The following ATP6V1C1 variants were observed in gnomAD, a reference collection of about 807,000 sequenced individuals.
ATP6V1C1 encodes the protein ATPase H+ transporting V1 subunit C1.
ATP6V1C1 carries 45 observed loss-of-function variants against 53.9 expected under a neutral mutation model. The observed-to-expected ratio is 0.83, with a 90% CI of 0.66 to 1.07. ATP6V1C1 has a LOEUF of 1.07. Ranked by LOEUF, ATP6V1C1 falls within the 50% of genes least tolerant of loss-of-function variation. The pLI is 0.00. For synonymous variants in ATP6V1C1, 153 were observed against 155.2 expected (o/e 0.99, Z 0.11); for missense variants, 315 against 440.3 (o/e 0.72, Z 2.55).
intron 8 of ATP6V1C1, among the ~76,000 whole-genome samples, chr8:103,056,661 C>T (rs543242902): frequency 6.6e-6 from 1 of 152,274 alleles, no homozygotes; most frequent in South Asian, 2.1e-4. Context: ...GTCCTGTACC[C>T]TTTTAACACT....
rs1289160704 is a variant in ATP6V1C1 at position 103,072,402 on chromosome 8, A to G, written c.*3655A>G. 2.0e-5 allele frequency: 3 copies of G among 152,244 alleles called. No homozygotes were observed. Among genetic ancestry groups the G allele is most frequent in the Non-Finnish European group, 4.4e-5 (3 of 68,042 alleles). The allele number at this position is 152,244 out of a possible 1,614,324, so 9.4% of individuals were successfully genotyped here. A position where few individuals can be genotyped will look rare whatever the true frequency, so the allele number is the denominator to read the frequency against. On this transcript the variant is annotated 3_prime_UTR_variant, in exon 13 of 13. Coordinates refer to ENST00000518738, the MANE Select transcript of ATP6V1C1 (RefSeq NM_001695.5). ...TAAAAACCACATATACAAATACTAT[A>G]GAACAGCTTATAATGAAAACCTTGC...
At chr8:103,038,388 C>A (rs1816936531) in intron 1 of ATP6V1C1, among the ~76,000 whole-genome samples, 1 of 152,168 alleles carries the variant, frequency 6.6e-6, no homozygotes, top group South Asian at 2.1e-4. Context: ...AACCAAGTCA[C>A]AAGGCCAGCT....
chr8:103,056,982 CCGTCACTGGTAGGGTT>C (rs573161744), intron 8 of ATP6V1C1, among the ~76,000 whole-genome samples: 285 of 152,198 alleles, frequency 1.9e-3, no homozygotes, highest in African/African-American at 6.6e-3. Context: ...CTGGTAGGGT[CCGTCACTGGTAGGGTT>C]GTGACTTCGA....
intron 1 of ATP6V1C1, among the ~76,000 whole-genome samples, chr8:103,038,597 T>A (rs1210373143): frequency 1.3e-5 from 2 of 152,196 alleles, no homozygotes; most frequent in African/African-American, 4.8e-5. Context: ...GTAAAAACAA[T>A]TTAAGTCATT....
chr8:103,047,037 A>G (rs1313509097), intron 3 of ATP6V1C1, among the ~76,000 whole-genome samples: 2 of 152,238 alleles, frequency 1.3e-5, no homozygotes, highest in Non-Finnish European at 2.9e-5. Context: ...AAATTTTATG[A>G]GAATGATTTG....
intron 3 of ATP6V1C1, among the ~76,000 whole-genome samples, chr8:103,047,463 C>CACACACAT (rs1817124981): frequency 2.3e-5 from 2 of 86,824 alleles, no homozygotes; most frequent in African/African-American, 8.9e-5. Context: ...CACACACACA[C>CACACACAT]ATTTTTTTTT....
chr8:103,067,260 G>A (rs1177537716), intron 12 of ATP6V1C1, among the ~76,000 whole-genome samples: 7 of 151,918 alleles, frequency 4.6e-5, no homozygotes, highest in African/African-American at 7.2e-5. Flanking sequence ...TTAGCTGGGC[G>A]TGGCAGCGGT....
chr8:103,057,164 A>G (rs1048002130), intron 8 of ATP6V1C1, among the ~76,000 whole-genome samples: 3 of 152,212 alleles, frequency 2.0e-5, no homozygotes, highest in Admixed American at 6.5e-5. Context: ...CAGTGGCTCA[A>G]GGGCCTGGAT....
rs16870020 is a variant in ATP6V1C1 at position 103,066,676 on chromosome 8, C to G, written c.1053+229C>G. On this transcript the variant is annotated intron_variant, in intron 12 of 12. Coordinates refer to ENST00000518738, the MANE Select transcript of ATP6V1C1 (RefSeq NM_001695.5). ...GGCATTTCTACAAGCTAGTAATTAT[C>G]TTGCTGTGTATCAGATGTTTATAGC... Among the ~76,000 whole-genome samples, 1,473 of 152,210 alleles carry G rather than the reference C, an allele frequency of 9.7e-3. 19 individuals carry two copies. The highest frequency in any genetic ancestry group is 0.034 in the African/African-American group (1,408 of 41,524).
chr8:103,054,053 T>G, intron 7 of ATP6V1C1, 71 bp downstream of exon 7: 1 of 1,227,320 alleles, frequency 8.1e-7, no homozygotes, highest in Non-Finnish European at 1.1e-6. Context: ...AGTATTGTAG[T>G]TTGAAGTTTT....
intron 1 of ATP6V1C1, among the ~76,000 whole-genome samples, chr8:103,038,233 G>A (rs926655109): frequency 2.0e-5 from 3 of 152,162 alleles, no homozygotes; most frequent in African/African-American, 7.2e-5. Context: ...GGTTCATGCT[G>A]GTTGTTGGTT....
At chr8:103,054,308 C>T (rs373580794) in intron 7 of ATP6V1C1, among the ~76,000 whole-genome samples, 8 of 151,922 alleles carry the variant, frequency 5.3e-5, no homozygotes, top group East Asian at 1.9e-4. Flanking sequence ...AAGGTCTTTG[C>T]GTTTTTTTCC....
chr8:103,044,321 G>GT (rs35412821), intron 3 of ATP6V1C1, among the ~76,000 whole-genome samples: 5,739 of 152,252 alleles, frequency 0.038, 119 homozygotes, highest in East Asian at 0.046. Context: ...GGGTTGTAAT[G>GT]TTTTATGTCT....
Position 103,040,718 on chromosome 8 carries a change from A to G in ATP6V1C1, c.-39-80A>G, listed in dbSNP as rs577985650. 81 of 1,305,034 alleles carry G rather than the reference A, an allele frequency of 6.2e-5. No homozygotes were observed. The South Asian group carries it at 9.6e-4, about 16-fold the overall frequency. 80.8% of individuals were successfully genotyped at this position (1,305,034 alleles called of 1,614,324 possible). A position where few individuals can be genotyped will look rare whatever the true frequency, so the allele number is the denominator to read the frequency against. On this transcript the variant is annotated intron_variant, in intron 1 of 12. Transcript: ENST00000518738. ...TTAGTTTTGAAACAGGTTATATGTT[A>G]TAACTTCTCCTATGATTCTGAAACA...
In ATP6V1C1 at chr8:103,052,827, G is replaced by A. The variant is rs1817223715; in HGVS notation, c.473+5G>A. ...GAATTTGGAACGAAAGAATGCGTAA[G>A]CAGATCAAGTATATTTGAGTACTAA... On this transcript the variant is annotated splice_donor_5th_base_variant and intron_variant, in intron 6 of 12. Coordinates refer to ENST00000518738, the MANE Select transcript of ATP6V1C1 (RefSeq NM_001695.5). The A allele has an allele frequency of 2.6e-6, 4 of 1,560,778 alleles. No homozygotes were observed. The highest frequency in any genetic ancestry group is 1.4e-5 in the African/African-American group (1 of 72,328).
chr8:103,045,804 G>A lies in ATP6V1C1; in HGVS notation c.201-3066G>A, dbSNP rs140402767. Among the ~76,000 whole-genome samples the A allele has an allele frequency of 9.7e-3, 1,479 of 152,224 alleles. 27 individuals are homozygous for A. The highest frequency in any genetic ancestry group is 0.034 in the African/African-American group (1,400 of 41,538). ...AAAATACAAAAAATTATCCAGGTGT[G>A]GTGGCGGGCGCCTGTAGTCCCAGCT... On this transcript the variant is annotated intron_variant, in intron 3 of 12. Coordinates refer to ENST00000518738, the MANE Select transcript of ATP6V1C1 (RefSeq NM_001695.5).
At position 103,023,854 on chromosome 8, in the gene ATP6V1C1, A is replaced by C. The variant is rs1586303848; in HGVS notation, c.-40+2629A>C. Among the ~76,000 whole-genome samples the C allele has an allele frequency of 3.3e-5, 5 of 151,940 alleles. No individual in the cohort carries two copies. In the East Asian group the frequency reaches 7.7e-4, roughly 23 times the overall value. ...ACTAACCACAGTCACATCTAGAGAA[A>C]AGGGCGAGTTTTTTGAAGTGCACAG... On this transcript the variant is annotated intron_variant, in intron 1 of 12. Transcript: ENST00000518738.
At chr8:103,037,960 G>A (rs1027998307) in intron 1 of ATP6V1C1, among the ~76,000 whole-genome samples, 1 of 152,186 alleles carries the variant, frequency 6.6e-6, no homozygotes, top group African/African-American at 2.4e-5. Context: ...CTGCTGGCAG[G>A]AACTTAAGTT....
intron 1 of ATP6V1C1, among the ~76,000 whole-genome samples, chr8:103,023,044 C>A (rs933723605): frequency 3.3e-5 from 5 of 152,102 alleles, no homozygotes; most frequent in Non-Finnish European, 4.4e-5. Context: ...CAGAGCTAGA[C>A]CCTGTCTCTG....
Sources: allele counts gnomAD v4.1 joint callset (sites outside exome capture counted in the v4.1 genomes callset), GRCh38; gene constraint gnomAD v4.1.1; transcripts MANE v1.5; gene names NCBI Gene and HGNC (gene_info 2026-07-23, HGNC 2026-07-21).